NTN1: variants seen among roughly 807,000 people sequenced by gnomAD.
NTN1 encodes the protein netrin 1.
Under a neutral mutation model 54.2 loss-of-function variants are expected in NTN1, and 11 were observed. The ratio of observed to expected loss-of-function variants is 0.20; its 90% CI spans 0.13 to 0.34. The LOEUF (loss-of-function observed/expected upper bound fraction) is 0.34, where lower values mean the gene tolerates loss of function less well. Ranked by LOEUF, NTN1 falls within the 10% of genes least tolerant of loss-of-function variation. NTN1 has a pLI of 1.00. For synonymous variants in NTN1, 371 were observed against 382.0 expected (o/e 0.97, Z 0.33); for missense variants, 740 against 893.1 (o/e 0.83, Z 2.18).
chr17:9,127,498 T>G (rs983166380), intron 2 of NTN1, among the ~76,000 whole-genome samples: 1 of 152,058 alleles, frequency 6.6e-6, no homozygotes, highest in East Asian at 1.9e-4. Flanking sequence ...TTTGTAGCAC[T>G]GGGGAGCGTG....
rs2092371569 is a variant in NTN1, at chr17:9,165,809, G to A, written c.1207+2808G>A. 6.6e-6 allele frequency among the ~76,000 whole-genome samples: 1 copy of A among 152,180 alleles called. No homozygotes were observed. Among genetic ancestry groups the A allele is most frequent in the African/African-American group, 2.4e-5 (1 of 41,440 alleles). ...GCCACCTGATTGGTGAGGAAAGACA[G>A]GGCTTTGAGGTTTCTGCTTTCTGAT... On this transcript the variant is annotated intron_variant, in intron 3 of 6. Coordinates refer to ENST00000173229, the MANE Select transcript of NTN1 (RefSeq NM_004822.3). The surrounding 1 kb of genome is among the most constrained non-coding windows in gnomAD (Gnocchi z 4.5).
chr17:9,023,510 C>T (rs988426045), intron 2 of NTN1, 119 bp downstream of exon 2: 2 of 1,213,958 alleles, frequency 1.6e-6, no homozygotes, highest in African/African-American at 3.2e-5. Flanking sequence ...GGCGCGTTCG[C>T]CGATGCCCGG....
At chr17:9,203,410 T>A (rs1904869123) in intron 5 of NTN1, among the ~76,000 whole-genome samples, 1 of 152,226 alleles carries the variant, frequency 6.6e-6, no homozygotes, top group Non-Finnish European at 1.5e-5. Flanking sequence ...GAGGTTTCTA[T>A]CATACCTTCC....
At chr17:9,022,283 G>GC in intron 1 of NTN1, 28 bp from the exon 2 acceptor site, 1 of 1,222,070 alleles carries the variant, frequency 8.2e-7, no homozygotes, top group Non-Finnish European at 1.0e-6. Flanking sequence ...GGGCGGGCTG[G>GC]CTGAGCGCAG....
intron 2 of NTN1, among the ~76,000 whole-genome samples, chr17:9,045,486 C>T (rs999248896): frequency 4.6e-5 from 7 of 151,924 alleles, no homozygotes; most frequent in Non-Finnish European, 7.3e-5. Context: ...CCCAGCTTCA[C>T]GCCTGCCTCC....
At chr17:9,081,282 A>T (rs940264216) in intron 2 of NTN1, among the ~76,000 whole-genome samples, 1 of 152,172 alleles carries the variant, frequency 6.6e-6, no homozygotes. Context: ...TTGTGGGGTG[A>T]GTGTGAGGAG....
At chr17:9,163,633 G>A (rs72811962) in intron 3 of NTN1, among the ~76,000 whole-genome samples, 25,663 of 152,104 alleles carry the variant, frequency 0.17, 2,604 homozygotes, top group Middle Eastern at 0.24. Flanking sequence ...AAAAGGAGAC[G>A]GGAGACTATT....
intron 2 of NTN1, among the ~76,000 whole-genome samples, chr17:9,050,924 T>TC (rs1213803262): frequency 6.6e-6 from 1 of 152,140 alleles, no homozygotes; most frequent in African/African-American, 2.4e-5. Flanking sequence ...ATGAGTCAGC[T>TC]CCCAGTCTCC....
intron 5 of NTN1, among the ~76,000 whole-genome samples, chr17:9,216,178 G>A (rs1905213920): frequency 6.6e-6 from 1 of 152,200 alleles, no homozygotes; most frequent in Non-Finnish European, 1.5e-5. Flanking sequence ...GGCTGGTCTT[G>A]AACTCCTAGC....
chr17:9,024,194 CG>C (rs2091862767), intron 2 of NTN1, among the ~76,000 whole-genome samples: 1 of 152,036 alleles, frequency 6.6e-6, no homozygotes, highest in African/African-American at 2.4e-5. Flanking sequence ...CTGACAAAAC[CG>C]GGTGAATACG....
intron 2 of NTN1, among the ~76,000 whole-genome samples, chr17:9,092,704 G>A (rs1028811809): frequency 2.0e-5 from 3 of 151,346 alleles, no homozygotes; most frequent in Non-Finnish European, 4.4e-5. Flanking sequence ...AGTGATTCTC[G>A]TGCCTCAGCC....
At chr17:9,204,747 T>G (rs1904923852) in intron 5 of NTN1, among the ~76,000 whole-genome samples, 1 of 152,144 alleles carries the variant, frequency 6.6e-6, no homozygotes, top group African/African-American at 2.4e-5. Flanking sequence ...CCCTCCCAAA[T>G]AGCCACTGTA....
the NTN1 span, among the ~76,000 whole-genome samples, chr17:9,003,293 G>T: frequency 1.3e-5 from 2 of 151,318 alleles, no homozygotes; most frequent in Non-Finnish European, 3.0e-5. This position sits in a 1 kb window ranked among gnomAD's most constrained non-coding sequence, Gnocchi z 7.4. Flanking sequence ...GCGGCGTAGA[G>T]CCTGCGCGGG....
chr17:9,008,381 C>T, the NTN1 span, among the ~76,000 whole-genome samples: 1 of 152,030 alleles, frequency 6.6e-6, no homozygotes, highest in Admixed American at 6.6e-5. Context: ...TGCAGTGGTG[C>T]GATTTCAGCT....
intron 5 of NTN1, among the ~76,000 whole-genome samples, chr17:9,209,577 G>T (rs1288745630): frequency 6.6e-6 from 1 of 152,088 alleles, no homozygotes; most frequent in Non-Finnish European, 1.5e-5. Context: ...GCACCAAAGG[G>T]AACCATCAGA....
intron 2 of NTN1, among the ~76,000 whole-genome samples, chr17:9,042,632 C>G (rs1293399410): frequency 2.6e-5 from 4 of 151,840 alleles, no homozygotes; most frequent in Admixed American, 6.6e-5. Context: ...ACTAAAAATA[C>G]AAAAATTAGC....
At chr17:9,235,109 T>C (rs1268969216) in intron 6 of NTN1, among the ~76,000 whole-genome samples, 2 of 151,952 alleles carry the variant, frequency 1.3e-5, no homozygotes, top group African/African-American at 2.4e-5. Flanking sequence ...ATTACAGGTG[T>C]CCACCACCAT....
At chr17:9,037,494 A>C (rs569111967) in intron 2 of NTN1, among the ~76,000 whole-genome samples, 1 of 152,186 alleles carries the variant, frequency 6.6e-6, no homozygotes, top group Admixed American at 6.5e-5. Context: ...TTTTGCATTA[A>C]TTCTGCCAGA....
intron 2 of NTN1, among the ~76,000 whole-genome samples, chr17:9,098,572 C>T (rs1242921549): frequency 2.0e-5 from 3 of 152,168 alleles, no homozygotes; most frequent in African/African-American, 4.8e-5. Context: ...GTTCCTGTGG[C>T]GTCAGACACA....
Sources: allele counts gnomAD v4.1 joint callset (sites outside exome capture counted in the v4.1 genomes callset), GRCh38; gene constraint gnomAD v4.1.1; non-coding constraint Gnocchi (gnomAD v3.1); transcripts MANE v1.5; gene names NCBI Gene and HGNC (gene_info 2026-07-23, HGNC 2026-07-21).